Variants in SDK1 observed in about 807,000 individuals in gnomAD.
The protein encoded by SDK1 is sidekick cell adhesion molecule 1.
Under a neutral mutation model 245.5 loss-of-function variants are expected in SDK1, and 157 were observed. The observed-to-expected ratio is 0.64, with a 90% CI of 0.56 to 0.73. The LOEUF (loss-of-function observed/expected upper bound fraction) is 0.73, where lower values mean the gene tolerates loss of function less well. Ranked by LOEUF, SDK1 falls within the 30% of genes least tolerant of loss-of-function variation. The pLI is 0.00. For synonymous variants in SDK1, 1,647 were observed against 1,278.5 expected, an observed-to-expected ratio of 1.29 and a Z score of -6.15; for missense variants, 3,583 against 3,002.3, an observed-to-expected ratio of 1.19 and a Z score of -4.52.
At chr7:4,175,448 G>A (rs1310379325) in intron 33 of SDK1, among the ~76,000 whole-genome samples, 1 of 152,214 alleles carries the variant, frequency 6.6e-6, no homozygotes, top group Non-Finnish European at 1.5e-5. Context: ...CACCTGCCCC[G>A]GGGTGACCGG....
chr7:4,224,647 A>G (rs1340752524), intron 40 of SDK1, among the ~76,000 whole-genome samples: 2 of 151,944 alleles, frequency 1.3e-5, no homozygotes, highest in African/African-American at 2.4e-5. Context: ...TATATCTACA[A>G]CCATTCTGAG....
At chr7:3,497,343 G>C (rs1004816716) in intron 1 of SDK1, among the ~76,000 whole-genome samples, 2 of 152,136 alleles carry the variant, frequency 1.3e-5, no homozygotes, top group African/African-American at 2.4e-5. Flanking sequence ...TAGTATTTGT[G>C]GGAAATGTCA....
intron 5 of SDK1, among the ~76,000 whole-genome samples, chr7:3,938,785 T>C (rs182555473): frequency 6.1e-4 from 93 of 152,300 alleles, no homozygotes; most frequent in African/African-American, 2.2e-3. Flanking sequence ...GGTTTATCAA[T>C]TTGTGCTCAT....
At chr7:3,603,460 C>G (rs371920221) in intron 1 of SDK1, among the ~76,000 whole-genome samples, 25,755 of 148,170 alleles carry the variant, frequency 0.17, 2,758 homozygotes, top group South Asian at 0.26. Flanking sequence ...AATGGGAGTT[C>G]ACTCATGATT....
intron 17 of SDK1, among the ~76,000 whole-genome samples, chr7:4,019,154 G>A (rs1167189766): frequency 1.3e-5 from 2 of 152,176 alleles, no homozygotes; most frequent in Admixed American, 6.5e-5. Context: ...ATAAAAACAG[G>A]AACAGAGCCC....
At chr7:3,623,334 G>A (rs974734035) in intron 2 of SDK1, among the ~76,000 whole-genome samples, 11 of 145,064 alleles carry the variant, frequency 7.6e-5, no homozygotes, top group Admixed American at 3.7e-4. Context: ...TGCAACCTTC[G>A]TCTCCTGGTC....
chr7:4,265,088 G>T (rs1321930047), intron 44 of SDK1, 36 bp from the exon 45 acceptor site: 1 of 1,596,402 alleles, frequency 6.3e-7, no homozygotes, highest in African/African-American at 1.3e-5. Context: ...CCTGCGCCCT[G>T]CCCTGCACTC....
At chr7:3,630,559 C>T (rs1313006597) in intron 2 of SDK1, among the ~76,000 whole-genome samples, 1 of 152,032 alleles carries the variant, frequency 6.6e-6, no homozygotes, top group African/African-American at 2.4e-5. Flanking sequence ...TCCCTTGAAC[C>T]CAGGAGGCAG....
At chr7:3,447,699 CTTTTTTTTTTTT>C (rs56137514) in intron 1 of SDK1, among the ~76,000 whole-genome samples, 1 of 89,554 alleles carries the variant, frequency 1.1e-5, no homozygotes, top group Non-Finnish European at 2.1e-5. Context: ...GCTTATATAT[CTTTTTTTTTTTT>C]TTTTTTTTTT....
intron 8 of SDK1, among the ~76,000 whole-genome samples, chr7:3,960,388 C>T (rs1781584263): frequency 6.6e-6 from 1 of 152,286 alleles, no homozygotes; most frequent in African/African-American, 2.4e-5. Context: ...TGCCAGAACA[C>T]TAGCTTCCCC....
At chr7:4,103,832 C>T (rs1782735274) in intron 22 of SDK1, among the ~76,000 whole-genome samples, 1 of 152,228 alleles carries the variant, frequency 6.6e-6, no homozygotes, top group African/African-American at 2.4e-5. Context: ...TGCGCTCCAG[C>T]AGGGCTTGCC....
At chr7:3,472,269 C>G (rs73036799) in intron 1 of SDK1, among the ~76,000 whole-genome samples, 15,122 of 152,078 alleles carry the variant, frequency 0.099, 937 homozygotes, top group African/African-American at 0.17. Context: ...ATACCTTTGA[C>G]TAGCTGGGGA....
intron 14 of SDK1, among the ~76,000 whole-genome samples, chr7:4,001,634 A>C (rs996284492): frequency 3.3e-5 from 5 of 152,186 alleles, no homozygotes; most frequent in Admixed American, 2.0e-4. Context: ...TTTAATCCTG[A>C]GCTTGTAGAC....
intron 1 of SDK1, among the ~76,000 whole-genome samples, chr7:3,422,466 C>T (rs79684077): frequency 2.9e-3 from 437 of 152,154 alleles, no homozygotes; most frequent in Non-Finnish European, 4.9e-3. Context: ...TAGAATATAA[C>T]CAACTTTTCT....
At chr7:3,604,901 C>A (rs944625213) in intron 1 of SDK1, among the ~76,000 whole-genome samples, 2 of 151,852 alleles carry the variant, frequency 1.3e-5, no homozygotes, top group Admixed American at 6.6e-5. Context: ...GGTGTCCAGC[C>A]CCAAACATTT....
chr7:4,207,889 A>T (rs1051550369), intron 36 of SDK1, among the ~76,000 whole-genome samples: 1 of 152,166 alleles, frequency 6.6e-6, no homozygotes, highest in Non-Finnish European at 1.5e-5. Context: ...ATCGTCTCCC[A>T]AACAACATTA....
chr7:3,506,051 C>T (rs147334596), intron 1 of SDK1, among the ~76,000 whole-genome samples: 229 of 152,122 alleles, frequency 1.5e-3, no homozygotes, highest in African/African-American at 5.3e-3. Context: ...TTTGTAGACA[C>T]CCACATTTAC....
chr7:3,434,784 C>T (rs1163866761), intron 1 of SDK1, among the ~76,000 whole-genome samples: 1 of 152,074 alleles, frequency 6.6e-6, no homozygotes, highest in Non-Finnish European at 1.5e-5. Flanking sequence ...GAACCATCTG[C>T]AGGGAGTGTA....
At chr7:3,702,680 G>C (rs1358583272) in intron 4 of SDK1, among the ~76,000 whole-genome samples, 1 of 152,172 alleles carries the variant, frequency 6.6e-6, no homozygotes, top group Non-Finnish European at 1.5e-5. Context: ...GGCCTTGGCT[G>C]TTCCCCATGT....
Sources: allele counts gnomAD v4.1 joint callset (sites outside exome capture counted in the v4.1 genomes callset), GRCh38; gene constraint gnomAD v4.1.1; transcripts MANE v1.5; gene names NCBI Gene and HGNC (gene_info 2026-07-23, HGNC 2026-07-21).